Variants in HMCES observed in about 807,000 individuals in gnomAD.
HMCES encodes the protein 5-hydroxymethylcytosine binding, ES cell specific, also known as abasic site processing protein HMCES.
Under a neutral mutation model 35.1 loss-of-function variants are expected in HMCES, and 27 were observed. The observed-to-expected ratio is 0.77, with a 90% CI of 0.57 to 1.06. The LOEUF (loss-of-function observed/expected upper bound fraction) is 1.06, where lower values mean the gene tolerates loss of function less well. HMCES is among the 50% of genes least tolerant of loss of function. The pLI is 0.00. For missense variants in HMCES, 391 were observed against 430.4 expected, an observed-to-expected ratio of 0.91 and a Z score of 0.81; for synonymous variants, 130 against 154.7, an observed-to-expected ratio of 0.84 and a Z score of 1.18.
intron 5 of HMCES, among the ~76,000 whole-genome samples, chr3:129,298,818 C>G (rs1010789166): frequency 2.0e-5 from 3 of 152,138 alleles, no homozygotes; most frequent in African/African-American, 7.2e-5. Context: ...AACAGTAGCA[C>G]TGTTTTATAC....
intron 2 of HMCES, among the ~76,000 whole-genome samples, chr3:129,287,194 G>GT (rs201218294): frequency 0.028 from 4,169 of 148,664 alleles, 79 homozygotes; most frequent in Non-Finnish European, 0.038. Flanking sequence ...CAGTGTTTTT[G>GT]TTTTTTTTTG....
rs1444775083 is a variant in HMCES, at chr3:129,304,736, A to G, written c.976A>G (p.Thr326Ala). Reference protein sequence around the residue: ...SQFLQKSPLPTKRGTAGLLEQ... With the variant: ...SQFLQKSPLPAKRGTAGLLEQ... ...GTTCCTGCAGAAGAGTCCACTCCCC[A>G]CCAAGAGAGGCACTGCAGGACTCCT... The change falls in exon 7 of 7, where the codon ACC becomes GCC. Residue 326 changes from threonine to alanine, a missense_variant. Transcript: ENST00000383463. 6.2e-7 allele frequency: 1 copy of G among 1,614,142 alleles called. No homozygotes were observed. The highest frequency in any genetic ancestry group is 8.5e-7 in the Non-Finnish European group (1 of 1,180,028).
At chr3:129,304,087 G>C (rs1284150709) in intron 6 of HMCES, among the ~76,000 whole-genome samples, 1 of 152,188 alleles carries the variant, frequency 6.6e-6, no homozygotes, top group African/African-American at 2.4e-5. Context: ...TTCTGGAGAG[G>C]TGGCATTGTG....
chr3:129,300,654 T>C (rs1372675810), intron 5 of HMCES, among the ~76,000 whole-genome samples: 1 of 152,206 alleles, frequency 6.6e-6, no homozygotes, highest in South Asian at 2.1e-4. Flanking sequence ...CCCAGCACTT[T>C]GGGACGCCGA....
rs148008790 is a variant in HMCES at position 129,302,125 on chromosome 3, G to C, written c.811G>C (p.Asp271His). 6.2e-7 allele frequency: 1 copy of C among 1,612,204 alleles called. No individual in the cohort carries two copies. The highest frequency in any genetic ancestry group is 1.7e-4 in the Middle Eastern group (1 of 6,060). ...NNTPECLAPVDLVVKKELRAS... is the reference protein window; with the variant it reads ...NNTPECLAPVHLVVKKELRAS... ...CACTCCTGAGTGTCTGGCTCCTGTC[G>C]ACTTGGTGGTCAAAAAGGTAGGGGC... Residue 271 changes from aspartate (D) to histidine (H), a missense_variant, in exon 6 of 7, where the codon GAC becomes CAC. Physicochemically the swap from Asp to His is moderately conservative, Grantham distance 81. Transcript: ENST00000383463.
rs566055191 is a variant in HMCES at position 129,290,788 on chromosome 3, A to T, written c.437A>T (p.Gln146Leu). 4 of 1,613,266 alleles carry T rather than the reference A, an allele frequency of 2.5e-6. No homozygotes were observed. In the South Asian group the frequency reaches 4.4e-5, roughly 18 times the overall value. ...QRQPYFIYFP[Q>L]IKTEKSGSIG... ...CAGCCATACTTCATCTATTTTCCTC[A>T]AATCAAGACAGAGAAGGTATCATTA... Residue 146 changes from glutamine to leucine, a missense_variant, in exon 4 of 7, where the codon CAA becomes CTA. By Grantham distance (113) the Gln-to-Leu change is moderately radical. Transcript: ENST00000383463.
chr3:129,296,071 C>CT (rs1175035644), intron 4 of HMCES, among the ~76,000 whole-genome samples: 2 of 149,394 alleles, frequency 1.3e-5, no homozygotes, highest in African/African-American at 2.5e-5. Flanking sequence ...CGTTTTTTTT[C>CT]TTTTTTTGAG....
chr3:129,279,592 GACGGTGGTCACGGAGGGGC>G lies in HMCES; in HGVS notation c.-23-113_-23-95del. 2 of 992,638 alleles carry G rather than the reference GACGGTGGTCACGGAGGGGC, an allele frequency of 2.0e-6. No individual in the cohort carries two copies. The highest frequency in any genetic ancestry group is 5.3e-5 in the East Asian group (2 of 37,872). The allele number at this position is 992,638 out of a possible 1,614,324, so 61.5% of individuals were successfully genotyped here. On this transcript the variant is annotated intron_variant, in intron 1 of 6. Coordinates refer to ENST00000383463, the MANE Select transcript of HMCES (RefSeq NM_020187.3). The surrounding 1 kb of genome is among the most constrained non-coding windows in gnomAD (Gnocchi z 4.2). The stretch of plus-strand genomic sequence containing the variant: ...GTGGGACTTTTTGGGGAAGACTTTA[GACGGTGGTCACGGAGGGGC>G]ACGGCCCTGTGGGAACGGAAAGAGA...
chr3:129,279,101 G>C lies in HMCES; in HGVS notation c.-24+196G>C, dbSNP rs1170148117. Reference sequence around the variant, plus strand: ...CCGGAGCGGAGCGGAGGCGACGCGGGGAGGGGCGAGGGATCGCGGCCGGTG... The same window carrying C: ...CCGGAGCGGAGCGGAGGCGACGCGGCGAGGGGCGAGGGATCGCGGCCGGTG... On this transcript the variant is annotated intron_variant, in intron 1 of 6. Transcript: ENST00000383463. This position sits in a 1 kb window ranked among gnomAD's most constrained non-coding sequence, Gnocchi z 4.2. 6.6e-6 allele frequency: 1 copy of C among 152,316 alleles called. No individual in the cohort carries two copies. The highest frequency in any genetic ancestry group is 1.5e-5 in the Non-Finnish European group (1 of 68,164). The allele number at this position is 152,316 out of a possible 1,614,324, so 9.4% of individuals were successfully genotyped here.
chr3:129,281,881 T>C (rs1365887468), intron 2 of HMCES, among the ~76,000 whole-genome samples: 4 of 139,738 alleles, frequency 2.9e-5, no homozygotes, highest in East Asian at 4.0e-4. Flanking sequence ...GAGTCGAGAA[T>C]GTGCCACTGC....
rs780412918 is a variant in HMCES, at chr3:129,306,094, T to G, written c.*1269T>G. 3 of 152,184 alleles carry G rather than the reference T, an allele frequency of 2.0e-5. No individual in the cohort carries two copies. Among genetic ancestry groups the G allele is most frequent in the Non-Finnish European group, 2.9e-5 (2 of 68,040 alleles). 9.4% of individuals were successfully genotyped at this position (152,184 alleles called of 1,614,324 possible). A position where few individuals can be genotyped will look rare whatever the true frequency, so the allele number is the denominator to read the frequency against. ...TGGACTGATTTGCGTGGGATTTGGT[T>G]GTTTTATTAAGAGATTTAAAAAATT... On this transcript the variant is annotated 3_prime_UTR_variant, in exon 7 of 7. Transcript: ENST00000383463.
rs140662403 is a variant in HMCES, at chr3:129,305,171, T to C, written c.*346T>C. 2 of 244,562 alleles carry C rather than the reference T, an allele frequency of 8.2e-6. No homozygotes were observed. Among genetic ancestry groups the C allele is most frequent in the Non-Finnish European group, 1.6e-5 (2 of 127,810 alleles). The allele number at this position is 244,562 out of a possible 1,614,324, so 15.1% of individuals were successfully genotyped here. A position where few individuals can be genotyped will look rare whatever the true frequency, so the allele number is the denominator to read the frequency against. On this transcript the variant is annotated 3_prime_UTR_variant, in exon 7 of 7. Coordinates refer to ENST00000383463, the MANE Select transcript of HMCES (RefSeq NM_020187.3). ...TGGTACTCCTTGTAGTAAGCTGTTT[T>C]CTGCTCAGCCACTGGGCTCTTTCAC...
intron 2 of HMCES, among the ~76,000 whole-genome samples, chr3:129,280,181 A>G (rs563632344): frequency 5.3e-5 from 8 of 152,316 alleles, no homozygotes; most frequent in Admixed American, 2.0e-4. Flanking sequence ...CCAAATTTAT[A>G]TGAGCTTTGT....
At position 129,306,084 on chromosome 3, in the gene HMCES, G is replaced by C. The variant is rs1267279985; in HGVS notation, c.*1259G>C. 1 of 152,174 alleles carries C rather than the reference G, an allele frequency of 6.6e-6. No homozygotes were observed. The highest frequency in any genetic ancestry group is 1.5e-5 in the Non-Finnish European group (1 of 68,036). The allele number at this position is 152,174 out of a possible 1,614,324, so 9.4% of individuals were successfully genotyped here. On this transcript the variant is annotated 3_prime_UTR_variant, in exon 7 of 7. Transcript: ENST00000383463. ...GCCTCCCTTGTGGACTGATTTGCGT[G>C]GGATTTGGTTGTTTTATTAAGAGAT...
intron 3 of HMCES, among the ~76,000 whole-genome samples, chr3:129,290,190 C>CA (rs747358663): frequency 0.14 from 8,553 of 60,572 alleles, 606 homozygotes; most frequent in African/African-American, 0.26. Context: ...GACTCCGTCT[C>CA]AAAAAAAAAA....
chr3:129,304,479 T>C, intron 6 of HMCES, 110 bp from the exon 7 acceptor site: 1 of 916,656 alleles, frequency 1.1e-6, no homozygotes, highest in Non-Finnish European at 1.7e-6. Flanking sequence ...AGTAACATTT[T>C]CCAAGCCTGG....
intron 2 of HMCES, among the ~76,000 whole-genome samples, chr3:129,280,593 A>G (rs1940446799): frequency 6.6e-6 from 1 of 152,256 alleles, no homozygotes; most frequent in African/African-American, 2.4e-5. Context: ...CAGGCTTAAG[A>G]TCAGTTAATT....
intron 4 of HMCES, among the ~76,000 whole-genome samples, chr3:129,295,400 A>G (rs558177279): frequency 4.2e-4 from 64 of 150,606 alleles, no homozygotes; most frequent in Non-Finnish European, 7.4e-4. Context: ...TCACACCACT[A>G]CACTCCAGCC....
At chr3:129,300,223 AAC>A (rs1190860480) in intron 5 of HMCES, among the ~76,000 whole-genome samples, 38 of 151,102 alleles carry the variant, frequency 2.5e-4, no homozygotes, top group Admixed American at 2.4e-3. Flanking sequence ...AGAAGAGCAA[AAC>A]ACAATTTTGT....
Sources: gnomAD v4.1 joint callset for allele counts (sites outside exome capture counted in the v4.1 genomes callset) on GRCh38, gnomAD v4.1.1 for gene constraint, Gnocchi (gnomAD v3.1) non-coding constraint, MANE v1.5 for transcripts, NCBI Gene and HGNC (gene_info 2026-07-23, HGNC 2026-07-21) for gene names.